FANK1: variants seen among roughly 807,000 people sequenced by gnomAD.
FANK1 encodes the protein fibronectin type III and ankyrin repeat domains 1.
A neutral mutation model predicts 45.3 loss-of-function variants in FANK1; 44 were observed. The observed-to-expected ratio is 0.97, with a 90% CI of 0.76 to 1.25. The LOEUF (loss-of-function observed/expected upper bound fraction) is 1.25. Among genes scored for constraint, FANK1 ranks in the 50% most tolerant of loss-of-function variants. FANK1 has a pLI of 0.00. For missense variants in FANK1, 391 were observed against 424.4 expected, an observed-to-expected ratio of 0.92 and a Z score of 0.69; for synonymous variants, 149 against 152.5, an observed-to-expected ratio of 0.98 and a Z score of 0.17.
At chr10:125,941,484 CA>C (rs991295948) in intron 1 of FANK1, among the ~76,000 whole-genome samples, 1 of 152,156 alleles carries the variant, frequency 6.6e-6, no homozygotes, top group African/African-American at 2.4e-5. Context: ...CTTCGAGAAA[CA>C]ATTTGACATT....
chr10:125,959,533 G>A (rs1332323441), intron 1 of FANK1, among the ~76,000 whole-genome samples: 2 of 151,902 alleles, frequency 1.3e-5, no homozygotes, highest in Non-Finnish European at 2.9e-5. Flanking sequence ...TATACGATGG[G>A]GCAACCTAAT....
intron 2 of FANK1, among the ~76,000 whole-genome samples, chr10:125,986,533 C>T (rs538616708): frequency 1.6e-4 from 24 of 152,130 alleles, no homozygotes; most frequent in Admixed American, 7.9e-4. Context: ...CTTTCCTGGA[C>T]GTGCCAGACT....
At chr10:125,912,356 C>T (rs1288070562) in intron 1 of FANK1, among the ~76,000 whole-genome samples, 1 of 151,888 alleles carries the variant, frequency 6.6e-6, no homozygotes, top group Admixed American at 6.6e-5. Flanking sequence ...TATATCTACC[C>T]CCCTCCTCCT....
At chr10:125,929,906 C>T (rs1359561951) in intron 1 of FANK1, among the ~76,000 whole-genome samples, 3 of 152,128 alleles carry the variant, frequency 2.0e-5, no homozygotes, top group East Asian at 1.9e-4. Context: ...ACGGCATACA[C>T]CTTATGGAGA....
intron 3 of FANK1, among the ~76,000 whole-genome samples, chr10:125,993,402 C>T (rs933771265): frequency 1.3e-5 from 2 of 152,110 alleles, no homozygotes; most frequent in Admixed American, 6.5e-5. Context: ...ATAGATGAGA[C>T]GCATCATGAT....
chr10:125,950,545 T>G (rs1394658414), intron 1 of FANK1, among the ~76,000 whole-genome samples: 1 of 151,930 alleles, frequency 6.6e-6, no homozygotes, highest in African/African-American at 2.4e-5. Flanking sequence ...ATCAGAGAAA[T>G]GCAAATCAAA....
chr10:125,936,744 T>G (rs1948124631), intron 1 of FANK1, among the ~76,000 whole-genome samples: 2 of 152,176 alleles, frequency 1.3e-5, no homozygotes, highest in South Asian at 4.1e-4. Context: ...GATAAACATT[T>G]GTATAGTTTC....
At chr10:125,961,014 G>A (rs1429980024) in intron 1 of FANK1, among the ~76,000 whole-genome samples, 1 of 152,220 alleles carries the variant, frequency 6.6e-6, no homozygotes, top group Non-Finnish European at 1.5e-5. Context: ...AATGAAGACA[G>A]CATGGTACTG....
At chr10:125,982,347 C>T (rs1254826139) in intron 2 of FANK1, among the ~76,000 whole-genome samples, 1 of 152,224 alleles carries the variant, frequency 6.6e-6, no homozygotes, top group East Asian at 1.9e-4. Flanking sequence ...TCTGCATTCT[C>T]CCCAGAGACC....
intron 1 of FANK1, among the ~76,000 whole-genome samples, chr10:125,940,473 C>T (rs779743293): frequency 7.9e-5 from 12 of 152,132 alleles, no homozygotes; most frequent in South Asian, 2.1e-4. Context: ...GCAGCATTGC[C>T]GCCAGCATAT....
At chr10:126,001,996 C>T (rs1181341182) in intron 6 of FANK1, among the ~76,000 whole-genome samples, 1 of 151,924 alleles carries the variant, frequency 6.6e-6, no homozygotes, top group East Asian at 1.9e-4. Context: ...ACTTTATAAT[C>T]AGAAAAGAGG....
intron 1 of FANK1, chr10:125,973,587 C>T (rs928728809): frequency 1.2e-5 from 4 of 320,978 alleles, no homozygotes; most frequent in African/African-American, 6.7e-5. Flanking sequence ...CCAAGAGGCC[C>T]ATAAGGGTAA....
At chr10:125,914,280 C>CATATATAT (rs572373307) in intron 1 of FANK1, among the ~76,000 whole-genome samples, 8 of 140,298 alleles carry the variant, frequency 5.7e-5, no homozygotes, top group African/African-American at 2.0e-4. Context: ...CTTTGTATGC[C>CATATATAT]ATATATATAT....
rs183752369 is a variant in FANK1, at chr10:125,897,140, T to A, written c.13+485T>A. ...CCCGCCCCCCGCCCCACACCCCTAG[T>A]CTGCGACTTGAAGGAGAGAGAGAGA... On this transcript the variant is annotated intron_variant, in intron 1 of 10. Coordinates refer to ENST00000368693, the MANE Select transcript of FANK1 (RefSeq NM_145235.5). Among the ~76,000 whole-genome samples, 446 of 142,186 alleles carry A rather than the reference T, an allele frequency of 3.1e-3. No homozygotes were observed. The East Asian group carries it at 0.067, about 22-fold the overall frequency. The allele number at this position is 142,186 out of a possible 152,430, so 93.3% of individuals were successfully genotyped here. A position where few individuals can be genotyped will look rare whatever the true frequency, so the allele number is the denominator to read the frequency against.
At chr10:125,999,247 T>A (rs1952576067) in intron 6 of FANK1, among the ~76,000 whole-genome samples, 1 of 148,896 alleles carries the variant, frequency 6.7e-6, no homozygotes, top group Non-Finnish European at 1.5e-5. Context: ...TCCTCCAGAT[T>A]GGAGTGCAGT....
At chr10:125,909,519 CTT>C (rs76190291) in intron 1 of FANK1, among the ~76,000 whole-genome samples, 20 of 135,680 alleles carry the variant, frequency 1.5e-4, no homozygotes, top group East Asian at 2.1e-4. Flanking sequence ...TCTTCTTTTT[CTT>C]TTTTTTTTTT....
At chr10:125,923,471 A>AT (rs1564876758) in intron 1 of FANK1, among the ~76,000 whole-genome samples, 7 of 147,334 alleles carry the variant, frequency 4.8e-5, no homozygotes, top group African/African-American at 1.8e-4. Context: ...AAAAAAAAAA[A>AT]ATTTTTTTCA....
rs185124205 is a variant in FANK1, at chr10:125,993,826, G to A, written c.317-1591G>A. ...GTCTGTAAGAGATTGGCTAGCTCTA[G>A]CAGACAAAATTGTTATTTCAAAATA... On this transcript the variant is annotated intron_variant, in intron 3 of 10. Coordinates refer to ENST00000368693, the MANE Select transcript of FANK1 (RefSeq NM_145235.5). Among the ~76,000 whole-genome samples the A allele has an allele frequency of 3.4e-3, 517 of 152,316 alleles. 2 individuals carry two copies. The highest frequency in any genetic ancestry group is 5.6e-3 in the Non-Finnish European group (378 of 68,026).
chr10:125,991,250 G>GGGGTGTGTGTGT (rs138607074), intron 3 of FANK1, among the ~76,000 whole-genome samples: 2 of 145,908 alleles, frequency 1.4e-5, no homozygotes, highest in African/African-American at 2.5e-5. Flanking sequence ...GGTGACCAGG[G>GGGGTGTGTGTGT]GTGTGTGTGT....
Sources: gnomAD v4.1 joint callset for allele counts (sites outside exome capture counted in the v4.1 genomes callset) on GRCh38, gnomAD v4.1.1 for gene constraint, MANE v1.5 for transcripts, NCBI Gene and HGNC (gene_info 2026-07-23, HGNC 2026-07-21) for gene names.